Variants in CSMD3 observed in about 807,000 individuals in gnomAD.
CSMD3 encodes the protein CUB and Sushi multiple domains 3.
A neutral mutation model predicts 435.2 loss-of-function variants in CSMD3; 177 were observed. The ratio of observed to expected loss-of-function variants is 0.41; its 90% CI spans 0.36 to 0.46. CSMD3 has a LOEUF of 0.46. Among genes scored for constraint, CSMD3 ranks in the 20% least tolerant of loss-of-function variants. The pLI, the probability that CSMD3 is intolerant of heterozygous loss-of-function variation, is 0.34. For missense variants in CSMD3, 4,265 were observed against 4,504.6 expected (o/e 0.95, Z 1.52); for synonymous variants, 1,656 against 1,520.5 (o/e 1.09, Z -2.07).
intron 10 of CSMD3, among the ~76,000 whole-genome samples, chr8:112,903,853 C>T (rs958491779): frequency 4.6e-5 from 7 of 151,298 alleles, no homozygotes; most frequent in Admixed American, 6.6e-5. Context: ...GTCACTCTGT[C>T]ATTCCACGAG....
At chr8:113,122,846 G>A (rs2091022947) in intron 4 of CSMD3, among the ~76,000 whole-genome samples, 1 of 151,676 alleles carries the variant, frequency 6.6e-6, no homozygotes, top group African/African-American at 2.4e-5. Flanking sequence ...TGTTACAGCA[G>A]CAATACAAAA....
At chr8:113,345,534 A>G (rs184780153) in intron 1 of CSMD3, among the ~76,000 whole-genome samples, 1 of 152,266 alleles carries the variant, frequency 6.6e-6, no homozygotes, top group East Asian at 1.9e-4. Context: ...CCATATGCTT[A>G]AGCAATGAGA....
chr8:112,245,123 T>A (rs1326905289), intron 64 of CSMD3, among the ~76,000 whole-genome samples: 2 of 152,100 alleles, frequency 1.3e-5, no homozygotes, highest in African/African-American at 4.8e-5. Flanking sequence ...ATTTTAATAA[T>A]TTTTTTACAT....
intron 4 of CSMD3, among the ~76,000 whole-genome samples, chr8:113,168,424 G>A (rs2092196900): frequency 6.7e-6 from 1 of 148,352 alleles, no homozygotes; most frequent in Non-Finnish European, 1.5e-5. Flanking sequence ...GGGAGGCTGA[G>A]GCAGGAGAAT....
intron 32 of CSMD3, among the ~76,000 whole-genome samples, chr8:112,447,992 G>A (rs539998504): frequency 6.6e-6 from 1 of 152,260 alleles, no homozygotes; most frequent in East Asian, 1.9e-4. Context: ...ATGTAATCAA[G>A]TTTAGATGAG....
chr8:112,343,969 G>A (rs1369623297), intron 41 of CSMD3, among the ~76,000 whole-genome samples: 1 of 152,008 alleles, frequency 6.6e-6, no homozygotes, highest in Non-Finnish European at 1.5e-5. Flanking sequence ...TGCAGCCTCC[G>A]CCTCCTGGGT....
At chr8:112,231,502 G>A (rs374694752) in intron 69 of CSMD3, 43 bp downstream of exon 69, 5 of 1,156,492 alleles carry the variant, frequency 4.3e-6, no homozygotes, top group Non-Finnish European at 6.6e-6. Flanking sequence ...ATGATGTCTG[G>A]GATAATAACA....
chr8:112,787,392 A>C (rs2132273524), intron 13 of CSMD3, among the ~76,000 whole-genome samples: 1 of 152,256 alleles, frequency 6.6e-6, no homozygotes, highest in Non-Finnish European at 1.5e-5. Flanking sequence ...AATGTAAATT[A>C]TTACTATGGA....
chr8:112,356,714 G>A (rs3950674), intron 38 of CSMD3, among the ~76,000 whole-genome samples: 30,991 of 151,632 alleles, frequency 0.2, 3,716 homozygotes, highest in East Asian at 0.4. Flanking sequence ...TTTCATGACA[G>A]TGAATAAGTT....
intron 36 of CSMD3, among the ~76,000 whole-genome samples, chr8:112,386,598 C>T (rs906411514): frequency 1.3e-5 from 2 of 152,040 alleles, no homozygotes; most frequent in South Asian, 2.1e-4. Flanking sequence ...CCCGGGTTCA[C>T]GTCATTCTCC....
At chr8:112,466,474 T>C (rs909992296) in intron 32 of CSMD3, among the ~76,000 whole-genome samples, 22 of 152,032 alleles carry the variant, frequency 1.4e-4, no homozygotes, top group African/African-American at 5.3e-4. Flanking sequence ...TAAGGAAAAA[T>C]ATACACAAAA....
chr8:112,563,629 T>C (rs766569104), intron 24 of CSMD3, among the ~76,000 whole-genome samples: 2 of 152,010 alleles, frequency 1.3e-5, no homozygotes, highest in African/African-American at 2.4e-5. Flanking sequence ...CCAATCAGCA[T>C]TGGGCATTTG....
At chr8:112,345,427 C>G (rs1010461498) in intron 41 of CSMD3, among the ~76,000 whole-genome samples, 6 of 152,088 alleles carry the variant, frequency 3.9e-5, no homozygotes, top group African/African-American at 1.4e-4. Flanking sequence ...CAAGGGAATT[C>G]TGTCATATAC....
intron 2 of CSMD3, among the ~76,000 whole-genome samples, chr8:113,280,851 G>A (rs1002144710): frequency 4.0e-5 from 6 of 151,702 alleles, no homozygotes; most frequent in East Asian, 1.9e-4. Context: ...TTGATACATC[G>A]TACCATTATT....
rs545382882 is a variant in CSMD3 at position 112,729,134 on chromosome 8, G to A, written c.1973-39084C>T. The stretch of plus-strand genomic sequence containing the variant: ...GTTTGTTTTAATATATTGCAAAACT[G>A]TATCTCCAGATGATTTTGTCAAAGT... On this transcript the variant is annotated intron_variant, in intron 13 of 70. Coordinates refer to ENST00000297405, the MANE Select transcript of CSMD3 (RefSeq NM_198123.2). Among the ~76,000 whole-genome samples the A allele has an allele frequency of 7.9e-5, 12 of 152,080 alleles. No homozygotes were observed. The South Asian group carries it at 1.2e-3, about 16-fold the overall frequency.
At chr8:112,412,428 TTC>T (rs1811456332) in intron 32 of CSMD3, among the ~76,000 whole-genome samples, 7 of 152,124 alleles carry the variant, frequency 4.6e-5, no homozygotes, top group Admixed American at 2.6e-4. Flanking sequence ...CAAGCTTCTT[TTC>T]TGTTTTCTTA....
At chr8:113,287,647 T>C (rs916487403) in intron 2 of CSMD3, among the ~76,000 whole-genome samples, 2 of 152,050 alleles carry the variant, frequency 1.3e-5, no homozygotes, top group African/African-American at 4.8e-5. Context: ...ATGTAAATAT[T>C]TGTCAGTGAA....
chr8:112,298,223 A>C (rs542041865), intron 53 of CSMD3, among the ~76,000 whole-genome samples: 1 of 152,202 alleles, frequency 6.6e-6, no homozygotes, highest in Non-Finnish European at 1.5e-5. Context: ...ATAAACTAAT[A>C]TAAGATTTAT....
chr8:112,731,963 C>T (rs965058825), intron 13 of CSMD3, among the ~76,000 whole-genome samples: 21 of 152,198 alleles, frequency 1.4e-4, no homozygotes, highest in African/African-American at 4.1e-4. Flanking sequence ...TGGAATGTTT[C>T]CTTGTCTATG....
Sources: allele counts gnomAD v4.1 joint callset (sites outside exome capture counted in the v4.1 genomes callset), GRCh38; gene constraint gnomAD v4.1.1; transcripts MANE v1.5; gene names NCBI Gene and HGNC (gene_info 2026-07-23, HGNC 2026-07-21).